BCKDHB: variants seen among roughly 807,000 people sequenced by gnomAD.
BCKDHB encodes 2-oxoisovalerate dehydrogenase subunit beta, mitochondrial.
In BCKDHB, 41 loss-of-function variants were observed where a neutral mutation model predicts 48.5. That is an observed-to-expected ratio of 0.85 (90% CI 0.66 to 1.10). The LOEUF is 1.10. Among genes scored for constraint, BCKDHB ranks in the 50% least tolerant of loss-of-function variants. The pLI, the probability that BCKDHB is intolerant of heterozygous loss-of-function variation, is 0.00. For synonymous variants in BCKDHB, 201 were observed against 174.8 expected (o/e 1.15, Z -1.18); for missense variants, 496 against 494.2 (o/e 1.00, Z -0.03).
chr6:80,271,212 C>A (rs1777727311), intron 8 of BCKDHB, among the ~76,000 whole-genome samples: 1 of 152,126 alleles, frequency 6.6e-6, no homozygotes, highest in South Asian at 2.1e-4. Context: ...TATCGTCCTG[C>A]AACTTACTCA....
At chr6:80,221,252 T>G (rs1373899882) in intron 8 of BCKDHB, among the ~76,000 whole-genome samples, 3 of 152,164 alleles carry the variant, frequency 2.0e-5, no homozygotes, top group East Asian at 3.9e-4. Flanking sequence ...TACTCTTTGT[T>G]TATATTTTCA....
intron 5 of BCKDHB, chr6:80,169,708 A>ATGTG: frequency 9.6e-7 from 1 of 1,046,894 alleles, no homozygotes. Flanking sequence ...AAACCCATAG[A>ATGTG]TGTGTGAATC....
chr6:80,398,120 G>T, the BCKDHB span, among the ~76,000 whole-genome samples: 5 of 151,856 alleles, frequency 3.3e-5, no homozygotes. Context: ...GCCTGCATCA[G>T]AAAGTTAGAA....
In BCKDHB at chr6:80,345,150, A is replaced by G. The variant is rs1311374687; in HGVS notation, c.*1346A>G. 3 of 152,220 alleles carry G rather than the reference A, an allele frequency of 2.0e-5. No homozygotes were observed. The highest frequency in any genetic ancestry group is 4.4e-5 in the Non-Finnish European group (3 of 68,042). 9.4% of individuals were successfully genotyped at this position (152,220 alleles called of 1,614,324 possible). ...TCAGTGGTGTTATTCTAACAAAATG[A>G]ATACATTACAAATTATTAAGTTAGC... On this transcript the variant is annotated 3_prime_UTR_variant, in exon 10 of 10. Coordinates refer to ENST00000320393, the MANE Select transcript of BCKDHB (RefSeq NM_183050.4).
chr6:80,261,942 A>G (rs1327083991), intron 8 of BCKDHB, among the ~76,000 whole-genome samples: 2 of 152,162 alleles, frequency 1.3e-5, no homozygotes, highest in Admixed American at 6.5e-5. Flanking sequence ...TCATTTGCCC[A>G]TAACCAGAAG....
intron 9 of BCKDHB, among the ~76,000 whole-genome samples, chr6:80,337,067 T>C (rs1157979): frequency 0.78 from 117,959 of 152,042 alleles, 46,139 homozygotes; most frequent in Admixed American, 0.84. Flanking sequence ...GAAATTAATT[T>C]GGAGTTGTTG....
chr6:80,424,817 C>G, the BCKDHB span, among the ~76,000 whole-genome samples: 2 of 152,058 alleles, frequency 1.3e-5, no homozygotes, highest in Non-Finnish European at 2.9e-5. Flanking sequence ...CTCAGGTTGA[C>G]AGGAGGACTT....
rs189707980 is a variant in BCKDHB at position 80,322,504 on chromosome 6, T to C, written c.1039-21160T>C. ...CACCCGCCTCGGCCTCCCAAAGTGC[T>C]GGGATTACAGGCATGAGCCCCCACA... is the stretch of plus-strand genomic sequence containing the variant. On this transcript the variant is annotated intron_variant, in intron 9 of 9. Transcript: ENST00000320393. 5.0e-3 allele frequency among the ~76,000 whole-genome samples: 755 copies of C among 152,274 alleles called. 5 individuals carry two copies. Among genetic ancestry groups the C allele is most frequent in the African/African-American group, 0.017 (714 of 41,540 alleles).
At chr6:80,376,339 A>G in the BCKDHB span, among the ~76,000 whole-genome samples, 3 of 152,112 alleles carry the variant, frequency 2.0e-5, no homozygotes, top group Non-Finnish European at 4.4e-5. Context: ...CCATACCCCA[A>G]AAGGCTGGTC....
chr6:80,406,287 T>C, the BCKDHB span, among the ~76,000 whole-genome samples: 99,481 of 152,150 alleles, frequency 0.65, 37,131 homozygotes, highest in East Asian at 0.85. Context: ...AATAAACATA[T>C]GTGTGCATGT....
the BCKDHB span, among the ~76,000 whole-genome samples, chr6:80,367,188 A>T: frequency 6.6e-6 from 1 of 152,124 alleles, no homozygotes; most frequent in African/African-American, 2.4e-5. Context: ...TACTCAATAT[A>T]ATTCTGTTTC....
the BCKDHB span, among the ~76,000 whole-genome samples, chr6:80,426,695 A>C: frequency 6.6e-6 from 1 of 152,136 alleles, no homozygotes; most frequent in Non-Finnish European, 1.5e-5. Context: ...CACTTTATAC[A>C]AATTTAATCT....
intron 9 of BCKDHB, among the ~76,000 whole-genome samples, chr6:80,314,546 A>G (rs763900794): frequency 6.6e-6 from 1 of 152,218 alleles, no homozygotes; most frequent in South Asian, 2.1e-4. Flanking sequence ...CCCAAGTGGG[A>G]GGACCCACCC....
chr6:80,150,044 C>CA (rs1771693897), intron 3 of BCKDHB, among the ~76,000 whole-genome samples: 2 of 151,916 alleles, frequency 1.3e-5, no homozygotes, highest in African/African-American at 4.8e-5. Context: ...TTTCTAGCTT[C>CA]AAGTTTTTTC....
the BCKDHB span, among the ~76,000 whole-genome samples, chr6:80,414,528 C>A: frequency 6.6e-6 from 1 of 151,938 alleles, no homozygotes; most frequent in Non-Finnish European, 1.5e-5. Context: ...ATCCCAGAAT[C>A]TTTTGCCTAT....
At chr6:80,169,894 C>T in intron 5 of BCKDHB, 1 of 1,580,802 alleles carries the variant, frequency 6.3e-7, no homozygotes, top group Non-Finnish European at 8.6e-7. Flanking sequence ...GGGAAAGAAG[C>T]CATGTGCGAG....
Position 80,344,709 on chromosome 6 carries a change from T to C in BCKDHB, c.*905T>C, listed in dbSNP as rs1358853471. The C allele has an allele frequency of 6.6e-6, 1 of 152,250 alleles. No individual in the cohort carries two copies. Among genetic ancestry groups the C allele is most frequent in the Non-Finnish European group, 1.5e-5 (1 of 68,046 alleles). 9.4% of individuals were successfully genotyped at this position (152,250 alleles called of 1,614,324 possible). On this transcript the variant is annotated 3_prime_UTR_variant, in exon 10 of 10. Transcript: ENST00000320393. The stretch of plus-strand genomic sequence containing the variant: ...TAACATTGAATAGTCAATCACTAGA[T>C]GAAGATGCTCTCTACCATGGTTTAG...
intron 9 of BCKDHB, among the ~76,000 whole-genome samples, chr6:80,339,038 C>T (rs1306354565): frequency 3.9e-5 from 6 of 151,902 alleles, no homozygotes; most frequent in Non-Finnish European, 8.8e-5. Flanking sequence ...AGCGAAGCCA[C>T]GATGTGTAAT....
At chr6:80,378,832 G>A in the BCKDHB span, among the ~76,000 whole-genome samples, 1 of 152,006 alleles carries the variant, frequency 6.6e-6, no homozygotes, top group Non-Finnish European at 1.5e-5. Context: ...TAGCCACCCT[G>A]ACTGATATAA....
Sources: allele counts gnomAD v4.1 joint callset (sites outside exome capture counted in the v4.1 genomes callset), GRCh38; gene constraint gnomAD v4.1.1; transcripts MANE v1.5; gene names NCBI Gene and HGNC (gene_info 2026-07-23, HGNC 2026-07-21).